Variants in PDE7B observed in about 807,000 individuals in gnomAD.
The protein encoded by PDE7B is phosphodiesterase 7B.
In PDE7B, 29 loss-of-function variants were observed where a neutral mutation model predicts 56.2. That is an observed-to-expected ratio of 0.52 (90% CI 0.38 to 0.70). The LOEUF (loss-of-function observed/expected upper bound fraction) is 0.70, where lower values mean the gene tolerates loss of function less well. PDE7B is among the 30% of genes least tolerant of loss of function. The pLI, the probability that PDE7B is intolerant of heterozygous loss-of-function variation, is 0.00. For synonymous variants in PDE7B, 197 were observed against 196.9 expected (o/e 1.00, Z 0.00); for missense variants, 490 against 565.0 (o/e 0.87, Z 1.35).
chr6:136,074,222 C>T (rs868101459), intron 2 of PDE7B, among the ~76,000 whole-genome samples: 1 of 137,914 alleles, frequency 7.3e-6, no homozygotes, highest in Non-Finnish European at 1.5e-5. Context: ...GACAGAGAGA[C>T]CTTGTCTCAA....
chr6:135,941,238 G>A (rs1774501149), intron 1 of PDE7B, among the ~76,000 whole-genome samples: 1 of 120,424 alleles, frequency 8.3e-6, no homozygotes, highest in South Asian at 3.2e-4. Flanking sequence ...TTCAGCTCAA[G>A]AAACTTAGGT....
intron 2 of PDE7B, among the ~76,000 whole-genome samples, chr6:135,976,738 G>A (rs1381461750): frequency 1.3e-5 from 2 of 152,116 alleles, no homozygotes; most frequent in Non-Finnish European, 2.9e-5. Context: ...TGCCTTGGCA[G>A]TCAAATTCTT....
chr6:135,903,539 C>A (rs1218500946), intron 1 of PDE7B, among the ~76,000 whole-genome samples: 1 of 152,116 alleles, frequency 6.6e-6, no homozygotes, highest in Non-Finnish European at 1.5e-5. Flanking sequence ...TCAACCAAAC[C>A]AAATTTCTAC....
intron 1 of PDE7B, among the ~76,000 whole-genome samples, chr6:135,928,368 A>T (rs1463034641): frequency 6.8e-6 from 1 of 148,006 alleles, no homozygotes; most frequent in African/African-American, 2.5e-5. Context: ...TATTCACAAT[A>T]GCAAAGATAC....
intron 2 of PDE7B, among the ~76,000 whole-genome samples, chr6:135,958,142 A>G (rs1774831814): frequency 6.6e-6 from 1 of 152,080 alleles, no homozygotes; most frequent in South Asian, 2.1e-4. Flanking sequence ...TGAGACACGA[A>G]AATCACTTGA....
chr6:136,071,201 G>A (rs1777044914), intron 2 of PDE7B: 1 of 152,182 alleles, frequency 6.6e-6, no homozygotes, highest in Non-Finnish European at 1.5e-5. Flanking sequence ...TCACCTAAGA[G>A]TACTGACTTC....
chr6:136,012,902 A>G (rs1343772597), intron 2 of PDE7B, among the ~76,000 whole-genome samples: 1 of 152,186 alleles, frequency 6.6e-6, no homozygotes, highest in East Asian at 1.9e-4. Flanking sequence ...TTTTTCTGTT[A>G]TCTTTCACTG....
At chr6:136,156,192 T>TGTGTGTGTGA (rs1778601937) in intron 8 of PDE7B, 1 of 335,300 alleles carries the variant, frequency 3.0e-6, no homozygotes, top group East Asian at 7.7e-5. Flanking sequence ...TGTGTGTGTG[T>TGTGTGTGTGA]GTGTGTGTGT....
chr6:136,154,022 T>C, intron 6 of PDE7B, 53 bp from the exon 7 acceptor site: 1 of 1,187,914 alleles, frequency 8.4e-7, no homozygotes, highest in South Asian at 1.2e-5. Flanking sequence ...TCTAAGCTAG[T>C]ATACCACTCC....
intron 2 of PDE7B, among the ~76,000 whole-genome samples, chr6:135,989,163 A>G (rs1439098962): frequency 1.3e-5 from 2 of 152,242 alleles, no homozygotes; most frequent in African/African-American, 2.4e-5. Context: ...CCTAAAAGAT[A>G]TCAATTAGAA....
chr6:135,908,230 AG>A (rs1776150199), intron 1 of PDE7B, among the ~76,000 whole-genome samples: 1 of 151,688 alleles, frequency 6.6e-6, no homozygotes, highest in Non-Finnish European at 1.5e-5. Flanking sequence ...CTGGGATTAC[AG>A]GCATGTGCCA....
chr6:136,104,752 T>A (rs1281353481), intron 2 of PDE7B, among the ~76,000 whole-genome samples: 1 of 152,358 alleles, frequency 6.6e-6, no homozygotes, highest in Middle Eastern at 3.4e-3. Context: ...TTAGCATACT[T>A]ACAATTGTCC....
chr6:136,038,811 C>A (rs1304132962), intron 2 of PDE7B, among the ~76,000 whole-genome samples: 1 of 152,158 alleles, frequency 6.6e-6, no homozygotes, highest in Non-Finnish European at 1.5e-5. Context: ...GAGTTTCAGT[C>A]CCCACCAAGG....
chr6:135,964,182 C>T (rs113313321), intron 2 of PDE7B, among the ~76,000 whole-genome samples: 40 of 151,852 alleles, frequency 2.6e-4, no homozygotes, highest in African/African-American at 7.2e-4. Flanking sequence ...CGGCTCATTG[C>T]GACCTCCGCC....
At chr6:136,084,806 C>T (rs1015185372) in intron 2 of PDE7B, among the ~76,000 whole-genome samples, 1 of 152,014 alleles carries the variant, frequency 6.6e-6, no homozygotes, top group Non-Finnish European at 1.5e-5. Flanking sequence ...TTAAGGATAC[C>T]TTTTTATTGT....
intron 2 of PDE7B, among the ~76,000 whole-genome samples, chr6:136,089,025 A>T (rs1777339922): frequency 6.6e-6 from 1 of 151,980 alleles, no homozygotes. Flanking sequence ...GGGAACTATC[A>T]GATATTCTTT....
chr6:136,191,557 G>A (rs1382958957), intron 12 of PDE7B, 57 bp from the exon 13 acceptor site: 3 of 1,404,916 alleles, frequency 2.1e-6, no homozygotes, highest in Non-Finnish European at 3.0e-6. Context: ...GCTCGGGAGG[G>A]AGTAAGGAGC....
At chr6:136,175,230 G>A (rs545278749) in intron 9 of PDE7B, among the ~76,000 whole-genome samples, 1 of 152,268 alleles carries the variant, frequency 6.6e-6, no homozygotes, top group East Asian at 1.9e-4. Flanking sequence ...AAGAATAATT[G>A]TTATACAATA....
intron 2 of PDE7B, chr6:136,046,511 C>T (rs1377390862): frequency 6.6e-6 from 1 of 152,212 alleles, no homozygotes; most frequent in Non-Finnish European, 1.5e-5. Flanking sequence ...GAATATGTGC[C>T]TTGGGTTCCC....
Sources: gnomAD v4.1 joint callset for allele counts (sites outside exome capture counted in the v4.1 genomes callset) on GRCh38, gnomAD v4.1.1 for gene constraint, MANE v1.5 for transcripts, NCBI Gene and HGNC (gene_info 2026-07-23, HGNC 2026-07-21) for gene names.